The following BLTP1 variants were observed in gnomAD, a reference collection of about 807,000 sequenced individuals.
BLTP1 encodes bridge-like lipid transfer protein family member 1.
At chr4:122,247,797 C>G in the BLTP1 span, 1 of 992,548 alleles carries the variant, frequency 1.0e-6, no homozygotes, top group Non-Finnish European at 1.2e-6. Flanking sequence ...AGGTGACACA[C>G]ATTCCTCTTA....
At chr4:122,207,210 T>C in the BLTP1 span, 1 of 1,612,374 alleles carries the variant, frequency 6.2e-7, no homozygotes, top group Non-Finnish European at 8.5e-7. Flanking sequence ...TTGAAATGAT[T>C]TGGGCTGCTA....
At chr4:122,354,534 T>C in the BLTP1 span, among the ~76,000 whole-genome samples, 2 of 151,938 alleles carry the variant, frequency 1.3e-5, no homozygotes, top group African/African-American at 4.8e-5. Flanking sequence ...TCATGATAAC[T>C]TATTTTGTGG....
At chr4:122,356,650 A>C in the BLTP1 span, 1 of 1,613,642 alleles carries the variant, frequency 6.2e-7, no homozygotes, top group Non-Finnish European at 8.5e-7. Context: ...AGTAGAATGT[A>C]GTGTGGTGAC....
chr4:122,192,601 T>G, the BLTP1 span, among the ~76,000 whole-genome samples: 1 of 152,052 alleles, frequency 6.6e-6, no homozygotes, highest in Non-Finnish European at 1.5e-5. Flanking sequence ...CTAATTCTGA[T>G]TGATTAGAAT....
the BLTP1 span, chr4:122,305,774 T>C: frequency 1.5e-6 from 2 of 1,358,128 alleles, no homozygotes; most frequent in Non-Finnish European, 1.9e-6. Flanking sequence ...TTGAGAAAAA[T>C]GTATTATAGT....
the BLTP1 span, among the ~76,000 whole-genome samples, chr4:122,163,526 G>C: frequency 6.6e-6 from 1 of 152,134 alleles, no homozygotes; most frequent in Non-Finnish European, 1.5e-5. Flanking sequence ...CTGTGTAGAG[G>C]TGAGTGCCAA....
At chr4:122,257,692 T>G in the BLTP1 span, among the ~76,000 whole-genome samples, 3 of 152,326 alleles carry the variant, frequency 2.0e-5, no homozygotes, top group Non-Finnish European at 4.4e-5. Context: ...ATAAGCAATT[T>G]TAGATATTAC....
At chr4:122,309,717 CT>C in the BLTP1 span, among the ~76,000 whole-genome samples, 1 of 151,946 alleles carries the variant, frequency 6.6e-6, no homozygotes, top group Non-Finnish European at 1.5e-5. Context: ...CTGATTTTTC[CT>C]GTAATTGATC....
chr4:122,197,085 G>A, the BLTP1 span: 3 of 658,200 alleles, frequency 4.6e-6, no homozygotes, highest in East Asian at 3.3e-5. Context: ...TTAGGAACTT[G>A]TAATACTTAC....
the BLTP1 span, among the ~76,000 whole-genome samples, chr4:122,295,281 C>A: frequency 4.2e-3 from 644 of 151,702 alleles, 1 homozygote; most frequent in Non-Finnish European, 7.6e-3. Context: ...AGACACTCCA[C>A]GAGAAGATCA....
At chr4:122,207,452 G>T in the BLTP1 span, 1 of 1,475,048 alleles carries the variant, frequency 6.8e-7, no homozygotes, top group Non-Finnish European at 8.9e-7. Context: ...GTTTAGTTGT[G>T]CATTTTAGGC....
the BLTP1 span, chr4:122,269,538 C>A: frequency 2.0e-6 from 2 of 985,274 alleles, no homozygotes; most frequent in Non-Finnish European, 2.4e-6. Flanking sequence ...CTCAGATCTC[C>A]TGTAATTCCA....
the BLTP1 span, among the ~76,000 whole-genome samples, chr4:122,228,014 T>C: frequency 6.6e-6 from 1 of 151,496 alleles, no homozygotes; most frequent in Non-Finnish European, 1.5e-5. Flanking sequence ...CCTGGGTTCA[T>C]GCCACTCTCT....
At chr4:122,331,278 A>T in the BLTP1 span, 1 of 1,542,898 alleles carries the variant, frequency 6.5e-7, no homozygotes, top group African/African-American at 1.4e-5. Flanking sequence ...TTTGTTAAAA[A>T]GAACTCTCAT....
chr4:122,223,947 G>C, the BLTP1 span: 1 of 928,834 alleles, frequency 1.1e-6, no homozygotes. Context: ...CTCTGAATAC[G>C]TTAGAAATGT....
At chr4:122,335,619 TA>T in the BLTP1 span, among the ~76,000 whole-genome samples, 1 of 152,148 alleles carries the variant, frequency 6.6e-6, no homozygotes, top group Admixed American at 6.6e-5. Flanking sequence ...ACCCCTTTTA[TA>T]AAGGAAAGTT....
chr4:122,236,919 A>C, the BLTP1 span: 2 of 985,232 alleles, frequency 2.0e-6, no homozygotes. Flanking sequence ...TGAGTCTTCC[A>C]GGAATGGAGT....
chr4:122,316,579 A>G, the BLTP1 span: 5 of 1,011,750 alleles, frequency 4.9e-6, no homozygotes, highest in East Asian at 8.5e-5. Context: ...TTCCTTATGA[A>G]ATTGAAGGGA....
chr4:122,267,640 C>A, the BLTP1 span: 1 of 977,112 alleles, frequency 1.0e-6, no homozygotes, highest in Non-Finnish European at 1.2e-6. Flanking sequence ...GGGCAGAAGT[C>A]ATATTGAGAG....
Sources: gnomAD v4.1 joint callset for allele counts (sites outside exome capture counted in the v4.1 genomes callset) on GRCh38, gnomAD v4.1.1 for gene constraint, MANE v1.5 for transcripts, NCBI Gene and HGNC (gene_info 2026-07-23, HGNC 2026-07-21) for gene names.